Variants in GAREM1 observed in about 807,000 individuals in gnomAD.
The protein encoded by GAREM1 is GRB2 associated regulator of MAPK1 subtype 1.
A neutral mutation model predicts 71.3 loss-of-function variants in GAREM1; 26 were observed. The ratio of observed to expected loss-of-function variants is 0.36; its 90% CI spans 0.27 to 0.51. The LOEUF (loss-of-function observed/expected upper bound fraction) is 0.51. GAREM1 is among the 20% of genes least tolerant of loss of function. The probability of loss-of-function intolerance (pLI) is 0.95; values close to 1 mark genes in which losing one functional copy is unlikely to be tolerated. For synonymous variants in GAREM1, 440 were observed against 433.2 expected (o/e 1.02, Z -0.20); for missense variants, 1,026 against 1,103.1 (o/e 0.93, Z 0.99).
chr18:32,279,897 A>G (rs1262160041), intron 4 of GAREM1, among the ~76,000 whole-genome samples: 1 of 152,232 alleles, frequency 6.6e-6, no homozygotes, highest in Admixed American at 6.5e-5. Flanking sequence ...AAGAACCTAC[A>G]TGAAACAGAA....
chr18:32,361,403 A>G (rs1173141642), intron 2 of GAREM1, among the ~76,000 whole-genome samples: 1 of 152,232 alleles, frequency 6.6e-6, no homozygotes, highest in Non-Finnish European at 1.5e-5. Context: ...AACAAAATCC[A>G]AAATTAAATG....
chr18:32,465,221 C>A lies in GAREM1; in HGVS notation c.121+5087G>T, dbSNP rs113826440. Reference sequence around the variant, plus strand: ...ATGAACACCGAACATCTTCCAAGAGCAAAACTAAGTTACTTTGGGAAAAAG... The same window carrying A: ...ATGAACACCGAACATCTTCCAAGAGAAAAACTAAGTTACTTTGGGAAAAAG... On this transcript the variant is annotated intron_variant, in intron 1 of 5. Coordinates refer to ENST00000269209, the MANE Select transcript of GAREM1 (RefSeq NM_001242409.2). 1.3e-3 allele frequency among the ~76,000 whole-genome samples: 198 copies of A among 151,822 alleles called. 3 individuals are homozygous for A. Among genetic ancestry groups the A allele is most frequent in the African/African-American group, 4.7e-3 (193 of 41,380 alleles).
chr18:32,416,349 C>T (rs1358039737), intron 1 of GAREM1, among the ~76,000 whole-genome samples: 2 of 152,120 alleles, frequency 1.3e-5, no homozygotes, highest in African/African-American at 4.8e-5. Flanking sequence ...TGTCATTCTT[C>T]ACAGAAACAG....
rs887805197 is a variant in GAREM1, at chr18:32,407,762, T to C, written c.122-14727A>G. 4.6e-5 allele frequency among the ~76,000 whole-genome samples: 7 copies of C among 151,994 alleles called. No individual in the cohort carries two copies. The East Asian group carries it at 1.4e-3, about 29-fold the overall frequency. On this transcript the variant is annotated intron_variant, in intron 1 of 5. Transcript: ENST00000269209. ...TAGGACTGGAATTGAGGCCAAGAAA[T>C]AGCAACAACTGAGAAAAAACCTGGG...
At chr18:32,448,197 C>T (rs1486904144) in intron 1 of GAREM1, among the ~76,000 whole-genome samples, 1 of 152,064 alleles carries the variant, frequency 6.6e-6, no homozygotes, top group Non-Finnish European at 1.5e-5. Flanking sequence ...GAGGGTGGTC[C>T]ATGAATACTT....
rs148914892 is a variant in GAREM1, at chr18:32,317,589, A to G, written c.263-7266T>C. Among the ~76,000 whole-genome samples the G allele has an allele frequency of 3.0e-3, 464 of 152,188 alleles. 2 individuals are homozygous for G. Among genetic ancestry groups the G allele is most frequent in the Middle Eastern group, 0.014 (4 of 294 alleles). ...CAACAAGTAAAAGCTGTAGAAGTGG[A>G]CTTATATTAAAAGAATAATGTAAAT... On this transcript the variant is annotated intron_variant, in intron 2 of 5. Coordinates refer to ENST00000269209, the MANE Select transcript of GAREM1 (RefSeq NM_001242409.2).
chr18:32,393,824 A>T (rs1567993172), intron 1 of GAREM1, among the ~76,000 whole-genome samples: 1 of 152,230 alleles, frequency 6.6e-6, no homozygotes, highest in South Asian at 2.1e-4. Context: ...ATGTTTTTCT[A>T]GATGCTGAAA....
rs2047671173 is a variant in GAREM1 at position 32,343,921 on chromosome 18, A to G, written c.263-33598T>C. Among the ~76,000 whole-genome samples, 3 of 152,020 alleles carry G rather than the reference A, an allele frequency of 2.0e-5. No individual in the cohort carries two copies. In the South Asian group the frequency reaches 6.2e-4, roughly 32 times the overall value. On this transcript the variant is annotated intron_variant, in intron 2 of 5. Transcript: ENST00000269209. ...TCTGCTGCCCCACACCTGAATACAG[A>G]CAGGCTGCTCCTTTCCCCCACAAGC...
intron 4 of GAREM1, among the ~76,000 whole-genome samples, chr18:32,284,209 T>G (rs769309165): frequency 2.6e-5 from 4 of 152,136 alleles, no homozygotes; most frequent in Non-Finnish European, 5.9e-5. Flanking sequence ...AAAATATGAC[T>G]TCATTTGAAA....
intron 1 of GAREM1, among the ~76,000 whole-genome samples, chr18:32,461,864 C>T (rs2048956463): frequency 6.6e-6 from 1 of 152,076 alleles, no homozygotes; most frequent in African/African-American, 2.4e-5. Flanking sequence ...CTTCCTAGAA[C>T]CGGCAGCTCA....
intron 2 of GAREM1, among the ~76,000 whole-genome samples, chr18:32,323,883 A>C (rs1359884041): frequency 6.6e-6 from 1 of 152,200 alleles, no homozygotes; most frequent in Non-Finnish European, 1.5e-5. Context: ...ATTTAGTATG[A>C]AAAGAGAAGG....
chr18:32,398,899 T>C (rs1217589067), intron 1 of GAREM1, among the ~76,000 whole-genome samples: 2 of 152,178 alleles, frequency 1.3e-5, no homozygotes, highest in Admixed American at 6.5e-5. Context: ...CTGATGAACA[T>C]TGATGCAAAA....
chr18:32,469,830 G>A, intron 1 of GAREM1, among the ~76,000 whole-genome samples: 1 of 152,204 alleles, frequency 6.6e-6, no homozygotes, highest in East Asian at 1.9e-4. Context: ...TCTGAGAAAT[G>A]TGATCCTTTT....
intron 3 of GAREM1, among the ~76,000 whole-genome samples, chr18:32,296,741 A>T (rs1284703147): frequency 4.3e-5 from 6 of 138,734 alleles, no homozygotes; most frequent in African/African-American, 1.1e-4. Flanking sequence ...GGGTCTTGCT[A>T]TGCTGCTCAA....
Position 32,268,572 on chromosome 18 carries a change from G to C in GAREM1, c.1930C>G (p.Leu644Val), listed in dbSNP as rs1468443656. ...TAACTATAACTCCTGCTTGGATCCA[G>C]CAGGAAGTCACTCCTGGTCTGGCTT... ...SESQTRSDFL[L>V]DPSRSYSYPR... The change falls in exon 6 of 6, where the codon CTG (leucine) becomes GTG (valine). Residue 644 changes from leucine (L) to valine (V), a missense_variant. Leu to Val is a conservative substitution (Grantham distance 32). Around this residue, in one of 3 missense-constraint regions of GAREM1, gnomAD observed 636 missense variants for 631.2 expected, o/e 1.01. Coordinates refer to ENST00000269209, the MANE Select transcript of GAREM1 (RefSeq NM_001242409.2). The C allele has an allele frequency of 6.2e-7, 1 of 1,614,036 alleles. No individual in the cohort carries two copies. Among genetic ancestry groups the C allele is most frequent in the Non-Finnish European group, 8.5e-7 (1 of 1,180,024 alleles).
chr18:32,435,761 A>T (rs1408326658), intron 1 of GAREM1, among the ~76,000 whole-genome samples: 1 of 152,224 alleles, frequency 6.6e-6, no homozygotes, highest in Non-Finnish European at 1.5e-5. Context: ...ACTGTGGCTA[A>T]TTTCACACAT....
In GAREM1 at chr18:32,268,639, G is replaced by A. The variant is rs2041412131; in HGVS notation, c.1863C>T (p.Ser621=). 3.7e-6 allele frequency: 6 copies of A among 1,614,168 alleles called. No homozygotes were observed. Among genetic ancestry groups the A allele is most frequent in the South Asian group, 1.1e-5 (1 of 91,078 alleles). The change falls in exon 6 of 6, where the codon TCC becomes TCT. Residue 621 remains serine (S), a synonymous_variant. Transcript: ENST00000269209. ...PFGSPSAEAV[S]SRLSWPNHYS... Reference sequence around the variant, plus strand: ...AATGGTTAGGCCATGAGAGCCGAGAGGACACAGCTTCAGCAGAAGGACTTC... The same window carrying A: ...AATGGTTAGGCCATGAGAGCCGAGAAGACACAGCTTCAGCAGAAGGACTTC...
rs201171944 is a variant in GAREM1 at position 32,300,924 on chromosome 18, A to G, written c.393+9269T>C. On this transcript the variant is annotated intron_variant, in intron 3 of 5. Transcript: ENST00000269209. The stretch of plus-strand genomic sequence containing the variant: ...TCCGTCTCAAAAAAAAAAAAAAAAA[A>G]AAGAAGAAGGCACAGTCTAACTGGT... 3.1e-3 allele frequency among the ~76,000 whole-genome samples: 470 copies of G among 149,222 alleles called. 2 individuals are homozygous for G. The highest frequency in any genetic ancestry group is 5.2e-3 in the Non-Finnish European group (354 of 67,698).
At chr18:32,343,307 C>G (rs551321579) in intron 2 of GAREM1, among the ~76,000 whole-genome samples, 8 of 147,354 alleles carry the variant, frequency 5.4e-5, no homozygotes, top group African/African-American at 1.8e-4. Context: ...TACTCTCCCC[C>G]ACTGTTTTTT....
Sources: allele counts gnomAD v4.1 joint callset (sites outside exome capture counted in the v4.1 genomes callset), GRCh38; gene constraint gnomAD v4.1.1; regional missense constraint gnomAD v4.1.1; transcripts MANE v1.5; gene names NCBI Gene and HGNC (gene_info 2026-07-23, HGNC 2026-07-21).